The following KALRN variants were observed in gnomAD, a reference collection of about 807,000 sequenced individuals.
KALRN encodes the protein kalirin RhoGEF kinase.
Under a neutral mutation model 353.7 loss-of-function variants are expected in KALRN, and 70 were observed. That is an observed-to-expected ratio of 0.20 (90% CI 0.16 to 0.24). The LOEUF (loss-of-function observed/expected upper bound fraction) is 0.24, where lower values mean the gene tolerates loss of function less well. KALRN is among the 10% of genes least tolerant of loss of function. The probability of loss-of-function intolerance (pLI) is 1.00; values close to 1 mark genes in which losing one functional copy is unlikely to be tolerated. For missense variants in KALRN, 2,791 were observed against 3,756.7 expected, an observed-to-expected ratio of 0.74 and a Z score of 6.72; for synonymous variants, 1,391 against 1,434.8, an observed-to-expected ratio of 0.97 and a Z score of 0.69.
chr3:124,704,649 G>A (rs2062509544), intron 57 of KALRN, among the ~76,000 whole-genome samples: 1 of 152,096 alleles, frequency 6.6e-6, no homozygotes, highest in Non-Finnish European at 1.5e-5. Context: ...CCAGGCTCAA[G>A]TGATCCTCCC....
In KALRN at chr3:124,657,559, T is replaced by C; in HGVS notation, c.5966+8T>C. ...TTATGACTGGCATAAGGAGTAAGTG[T>C]TAATGCTGCCCCGAGGATCCAGTGT... is the stretch of plus-strand genomic sequence containing the variant. On this transcript the variant is annotated splice_region_variant and intron_variant, in intron 40 of 59. Transcript: ENST00000682506. 6.2e-7 allele frequency: 1 copy of C among 1,600,486 alleles called. No homozygotes were observed. Among genetic ancestry groups the C allele is most frequent in the Non-Finnish European group, 8.6e-7 (1 of 1,167,554 alleles).
At chr3:124,678,465 G>T in intron 50 of KALRN, 152 bp downstream of exon 50, 1 of 746,652 alleles carries the variant, frequency 1.3e-6, no homozygotes, top group Non-Finnish European at 2.1e-6. Context: ...TTGCATGCAA[G>T]ATCAATTTAT....
chr3:124,230,849 C>A (rs2079066811), intron 2 of KALRN, among the ~76,000 whole-genome samples: 2 of 129,234 alleles, frequency 1.5e-5, no homozygotes, highest in Admixed American at 8.4e-5. Context: ...CAAAAAAACC[C>A]CCAAAACCAA....
At chr3:124,686,631 C>T (rs1317709771) in intron 51 of KALRN, among the ~76,000 whole-genome samples, 1 of 151,968 alleles carries the variant, frequency 6.6e-6, no homozygotes, top group Non-Finnish European at 1.5e-5. Flanking sequence ...GAGATAAAGC[C>T]TGGCAGATGG....
chr3:124,182,657 C>G (rs1195644159), intron 1 of KALRN, among the ~76,000 whole-genome samples: 1 of 152,268 alleles, frequency 6.6e-6, no homozygotes, highest in Non-Finnish European at 1.5e-5. Flanking sequence ...TCATTGGGGG[C>G]CTCCCCAGAG....
At chr3:124,428,055 C>T (rs1230417084) in intron 15 of KALRN, among the ~76,000 whole-genome samples, 3 of 152,128 alleles carry the variant, frequency 2.0e-5, no homozygotes, top group Non-Finnish European at 4.4e-5. Flanking sequence ...GTAGAACCAA[C>T]ATTTTCTCAT....
At chr3:124,288,980 G>A (rs1417830782) in intron 5 of KALRN, among the ~76,000 whole-genome samples, 2 of 152,194 alleles carry the variant, frequency 1.3e-5, no homozygotes, top group Non-Finnish European at 2.9e-5. Context: ...ATAAAATAAT[G>A]CCTGAGACTA....
chr3:124,037,022 G>A (rs888648883), intron 1 of KALRN, among the ~76,000 whole-genome samples: 1 of 152,206 alleles, frequency 6.6e-6, no homozygotes, highest in Non-Finnish European at 1.5e-5. Context: ...GCCTGAGAAA[G>A]TGTGTTACAG....
chr3:124,591,842 A>G (rs1490655448), intron 34 of KALRN, among the ~76,000 whole-genome samples: 2 of 152,234 alleles, frequency 1.3e-5, no homozygotes, highest in African/African-American at 4.8e-5. Context: ...CATTGTCAAC[A>G]GTGCCTCAGT....
At chr3:124,618,818 C>T (rs2078951411) in intron 34 of KALRN, among the ~76,000 whole-genome samples, 1 of 152,138 alleles carries the variant, frequency 6.6e-6, no homozygotes, top group Non-Finnish European at 1.5e-5. Flanking sequence ...GTGCCTTGTG[C>T]CATAATTAGA....
intron 47 of KALRN, among the ~76,000 whole-genome samples, chr3:124,667,764 T>A (rs1258616160): frequency 2.6e-5 from 4 of 152,198 alleles, no homozygotes; most frequent in Non-Finnish European, 5.9e-5. Flanking sequence ...TAGCTCTTTG[T>A]GGCCCTTGCA....
chr3:124,701,090 C>T (rs1055678246), intron 56 of KALRN, among the ~76,000 whole-genome samples: 2 of 152,224 alleles, frequency 1.3e-5, no homozygotes, highest in African/African-American at 4.8e-5. Flanking sequence ...CCTCTCCTCC[C>T]AGGCTGCTCA....
At chr3:124,429,278 A>G (rs1371195864) in intron 15 of KALRN, among the ~76,000 whole-genome samples, 1 of 152,224 alleles carries the variant, frequency 6.6e-6, no homozygotes, top group Non-Finnish European at 1.5e-5. Flanking sequence ...GATGTTATCT[A>G]TGCACAATAA....
intron 21 of KALRN, among the ~76,000 whole-genome samples, chr3:124,451,269 A>G (rs1577041051): frequency 6.6e-6 from 1 of 152,048 alleles, no homozygotes; most frequent in Non-Finnish European, 1.5e-5. Flanking sequence ...GGAGGAAAAG[A>G]GAGAGTGGGG....
At chr3:124,383,247 C>T (rs2087686238) in intron 10 of KALRN, among the ~76,000 whole-genome samples, 1 of 152,192 alleles carries the variant, frequency 6.6e-6, no homozygotes, top group Non-Finnish European at 1.5e-5. Flanking sequence ...TATGCCAGTA[C>T]AATCAAGAGG....
At chr3:124,314,898 AC>A (rs1290624546) in intron 6 of KALRN, among the ~76,000 whole-genome samples, 1 of 152,128 alleles carries the variant, frequency 6.6e-6, no homozygotes, top group African/African-American at 2.4e-5. Context: ...CAAGTGATCC[AC>A]CTTGGCCTCC....
rs1334524290 is a variant in KALRN at position 124,434,293 on chromosome 3, C to T, written c.2830-14C>T. 2 of 1,610,542 alleles carry T rather than the reference C, an allele frequency of 1.2e-6. No homozygotes were observed. The highest frequency in any genetic ancestry group is 1.3e-5 in the African/African-American group (1 of 74,820). On this transcript the variant is annotated splice_polypyrimidine_tract_variant and intron_variant, in intron 16 of 59. Coordinates refer to ENST00000682506, the MANE Select transcript of KALRN (RefSeq NM_001388419.1). ...TTGTTCCCACGGACCTTTCTCTCCT[C>T]TCCTTGTGCCCAGTCCCTCTTTCAT...
intron 57 of KALRN, among the ~76,000 whole-genome samples, chr3:124,708,047 C>T (rs2062722641): frequency 6.6e-6 from 1 of 152,176 alleles, no homozygotes; most frequent in Non-Finnish European, 1.5e-5. Context: ...GCATAGTAAA[C>T]ACTGAAAACT....
intron 33 of KALRN, among the ~76,000 whole-genome samples, chr3:124,555,903 A>G (rs2071186202): frequency 6.6e-6 from 1 of 152,214 alleles, no homozygotes; most frequent in South Asian, 2.1e-4. Flanking sequence ...CAACACATTA[A>G]TGATAAGTGC....
Sources: allele counts gnomAD v4.1 joint callset (sites outside exome capture counted in the v4.1 genomes callset), GRCh38; gene constraint gnomAD v4.1.1; transcripts MANE v1.5; gene names NCBI Gene and HGNC (gene_info 2026-07-23, HGNC 2026-07-21).